Variants in ZFP1 observed in about 807,000 individuals in gnomAD.
ZFP1 encodes the protein ZFP1 zinc finger protein.
ZFP1 carries 32 observed loss-of-function variants against 38.5 expected under a neutral mutation model. That is an observed-to-expected ratio of 0.83 (90% CI 0.63 to 1.12). The LOEUF (loss-of-function observed/expected upper bound fraction) is 1.12. Among genes scored for constraint, ZFP1 ranks in the 50% most tolerant of loss-of-function variants. The pLI is 0.00. For missense variants in ZFP1, 616 were observed against 480.8 expected (o/e 1.28, Z -2.63); for synonymous variants, 245 against 168.8 (o/e 1.45, Z -3.50).
chr16:75,134,745 C>T, the ZFP1 span, among the ~76,000 whole-genome samples: 893 of 144,304 alleles, frequency 6.2e-3, 5 homozygotes, highest in Non-Finnish European at 0.01. Flanking sequence ...AGCAAGTCTC[C>T]GCCTCAAAAA....
chr16:75,160,578 G>C (rs2037716289), intron 2 of ZFP1, among the ~76,000 whole-genome samples: 1 of 149,044 alleles, frequency 6.7e-6, no homozygotes, highest in African/African-American at 2.5e-5. Flanking sequence ...AGAATCACTT[G>C]AACCTGGAAG....
In ZFP1 at chr16:75,171,909, CATT is replaced by C. The variant is rs2038454078; in HGVS notation, c.*1577_*1579del. The stretch of plus-strand genomic sequence containing the variant: ...GGACAACATTGTGAGTCTGTTTTAA[CATT>C]AATATACTCTTACAACCTAGGAATC... On this transcript the variant is annotated 3_prime_UTR_variant, in exon 4 of 4. Transcript: ENST00000570010. 6.6e-6 allele frequency: 1 copy of C among 151,890 alleles called. No homozygotes were observed. The highest frequency in any genetic ancestry group is 6.5e-5 in the Admixed American group (1 of 15,268). The allele number at this position is 151,890 out of a possible 1,614,324, so 9.4% of individuals were successfully genotyped here.
Position 75,169,901 on chromosome 16 carries a change from A to G in ZFP1, c.791A>G (p.Glu264Gly). ...ATTGTACACCAGAGAGCACATATGG[A>G]GAAGAAGCCCTATGAGTGCAGTGAA... Reference protein sequence around the residue: ...NLIVHQRAHMEKKPYECSECG... With the variant: ...NLIVHQRAHMGKKPYECSECG... The change falls in exon 4 of 4, where the codon GAG (glutamate) becomes GGG (glycine). Residue 264 changes from glutamate to glycine, a missense_variant. Glu to Gly is a moderately conservative substitution (Grantham distance 98). Transcript: ENST00000570010. 6.2e-7 allele frequency: 1 copy of G among 1,614,190 alleles called. No individual in the cohort carries two copies. The highest frequency in any genetic ancestry group is 8.5e-7 in the Non-Finnish European group (1 of 1,180,022).
At chr16:75,121,149 C>G in the ZFP1 span, among the ~76,000 whole-genome samples, 2 of 151,720 alleles carry the variant, frequency 1.3e-5, no homozygotes, top group African/African-American at 4.8e-5. Flanking sequence ...TTATACAATC[C>G]TATGATAAAT....
At chr16:75,153,775 C>T (rs1473871548) in intron 2 of ZFP1, among the ~76,000 whole-genome samples, 1 of 152,172 alleles carries the variant, frequency 6.6e-6, no homozygotes, top group African/African-American at 2.4e-5. Context: ...TATATAATGA[C>T]ATGTATCCAT....
At chr16:75,130,660 T>G in the ZFP1 span, among the ~76,000 whole-genome samples, 1 of 152,118 alleles carries the variant, frequency 6.6e-6, no homozygotes, top group East Asian at 1.9e-4. Flanking sequence ...AACTGTTATT[T>G]TAGAGAAACA....
chr16:75,131,968 C>CA, the ZFP1 span, among the ~76,000 whole-genome samples: 1,309 of 130,344 alleles, frequency 0.01, 13 homozygotes, highest in African/African-American at 0.033. Context: ...GATTCCATCT[C>CA]AAAAAAAAAA....
In ZFP1 at chr16:75,169,896, T is replaced by C; in HGVS notation, c.786T>C (p.His262=). The C allele has an allele frequency of 1.2e-6, 2 of 1,614,118 alleles. No individual in the cohort carries two copies. The highest frequency in any genetic ancestry group is 1.7e-6 in the Non-Finnish European group (2 of 1,180,022). The part of the protein sequence containing the change: ...QSNLIVHQRA[H]MEKKPYECSE... Reference sequence around the variant, plus strand: ...ACCTCATTGTACACCAGAGAGCACATATGGAGAAGAAGCCCTATGAGTGCA... The same window carrying C: ...ACCTCATTGTACACCAGAGAGCACACATGGAGAAGAAGCCCTATGAGTGCA... Residue 262 remains histidine (H), a synonymous_variant, in exon 4 of 4, where the codon CAT becomes CAC. Transcript: ENST00000570010.
chr16:75,127,309 G>C, the ZFP1 span, among the ~76,000 whole-genome samples: 3 of 152,194 alleles, frequency 2.0e-5, no homozygotes. Flanking sequence ...GAGTGCAGTG[G>C]CATGATCTCA....
At chr16:75,141,668 C>T in the ZFP1 span, among the ~76,000 whole-genome samples, 1,535 of 151,782 alleles carry the variant, frequency 0.01, 26 homozygotes, top group African/African-American at 0.035. Flanking sequence ...GGGAGGATTG[C>T]TTGAGACCAG....
chr16:75,130,938 C>G, the ZFP1 span, among the ~76,000 whole-genome samples: 1 of 152,022 alleles, frequency 6.6e-6, no homozygotes, highest in Non-Finnish European at 1.5e-5. Flanking sequence ...CTTAAAAATC[C>G]TGCTGTGCCC....
chr16:75,149,557 C>CTTTTTTTTTTTTTT (rs34371791), intron 1 of ZFP1, among the ~76,000 whole-genome samples: 1 of 101,766 alleles, frequency 9.8e-6, no homozygotes, highest in South Asian at 3.2e-4. Context: ...TCTTTACTTT[C>CTTTTTTTTTTTTTT]TTTTTTTTTT....
chr16:75,141,089 G>T, the ZFP1 span, among the ~76,000 whole-genome samples: 1 of 151,664 alleles, frequency 6.6e-6, no homozygotes, highest in Non-Finnish European at 1.5e-5. Context: ...CTTAAACATT[G>T]ACTTTCTCCA....
In ZFP1 at chr16:75,155,263, C is replaced by T. The variant is rs141367676; in HGVS notation, c.15+2297C>T. On this transcript the variant is annotated intron_variant, in intron 2 of 3. Coordinates refer to ENST00000570010, the MANE Select transcript of ZFP1 (RefSeq NM_153688.4). ...CTCCTGCCTAAATCCCCGCAAGTAG[C>T]TGGGACTACAGGCACATGCCGCCAT... Among the ~76,000 whole-genome samples the T allele has an allele frequency of 8.7e-4, 133 of 152,320 alleles. 1 individual carries two copies. The highest frequency in any genetic ancestry group is 4.6e-3 in the South Asian group (22 of 4,828).
At chr16:75,161,119 G>A (rs1436398143) in intron 2 of ZFP1, among the ~76,000 whole-genome samples, 1 of 152,002 alleles carries the variant, frequency 6.6e-6, no homozygotes, top group African/African-American at 2.4e-5. Context: ...CCAGGCTGTA[G>A]TGCAGTGGCA....
chr16:75,159,795 T>C (rs2037674033), intron 2 of ZFP1, among the ~76,000 whole-genome samples: 2 of 152,192 alleles, frequency 1.3e-5, no homozygotes, highest in South Asian at 2.1e-4. Context: ...ATGTTAAGTT[T>C]TGTCTGCCAG....
At chr16:75,127,181 A>G in the ZFP1 span, among the ~76,000 whole-genome samples, 11 of 152,242 alleles carry the variant, frequency 7.2e-5, no homozygotes, top group African/African-American at 2.4e-4. Flanking sequence ...TGGTTTTACA[A>G]TCAGCTATAA....
At chr16:75,135,626 G>A in the ZFP1 span, among the ~76,000 whole-genome samples, 1 of 152,136 alleles carries the variant, frequency 6.6e-6, no homozygotes. Flanking sequence ...TAAATTTAGT[G>A]ATTGCCAGGT....
At chr16:75,166,640 A>G (rs983669785) in intron 2 of ZFP1, 130 bp from the exon 3 acceptor site, 73 of 1,522,072 alleles carry the variant, frequency 4.8e-5, no homozygotes, top group Middle Eastern at 1.7e-4. Context: ...AGACATGAAC[A>G]AAAACAGTGA....
Sources: gnomAD v4.1 joint callset for allele counts (sites outside exome capture counted in the v4.1 genomes callset) on GRCh38, gnomAD v4.1.1 for gene constraint, MANE v1.5 for transcripts, NCBI Gene and HGNC (gene_info 2026-07-23, HGNC 2026-07-21) for gene names.